Variants in ST3GAL3 observed in about 807,000 individuals in gnomAD.
ST3GAL3 encodes ST3 beta-galactoside alpha-2,3-sialyltransferase 3.
Under a neutral mutation model 50.1 loss-of-function variants are expected in ST3GAL3, and 21 were observed. The ratio of observed to expected loss-of-function variants is 0.42; its 90% confidence interval spans 0.30 to 0.60. ST3GAL3 has a LOEUF of 0.60. Ranked by LOEUF, ST3GAL3 falls within the 20% of genes least tolerant of loss-of-function variation. The probability of loss-of-function intolerance (pLI) is 0.19; values close to 1 mark genes in which losing one functional copy is unlikely to be tolerated. For synonymous variants in ST3GAL3, 183 were observed against 190.0 expected (o/e 0.96, Z 0.30); for missense variants, 353 against 489.4 (o/e 0.72, Z 2.63).
chr1:43,853,647 C>G (rs1569604652), intron 5 of ST3GAL3, among the ~76,000 whole-genome samples: 1 of 152,158 alleles, frequency 6.6e-6, no homozygotes, highest in Admixed American at 6.5e-5. Flanking sequence ...GTTCTCTTAC[C>G]CAGCTCTACA....
intron 5 of ST3GAL3, chr1:43,879,429 CAA>C: frequency 2.2e-6 from 1 of 456,218 alleles, no homozygotes; most frequent in Non-Finnish European, 4.4e-6. Context: ...GAGAGAAAGA[CAA>C]GAGCAGAAGC....
chr1:43,829,669 A>G (rs1030897470), intron 4 of ST3GAL3, among the ~76,000 whole-genome samples: 1 of 152,194 alleles, frequency 6.6e-6, no homozygotes, highest in African/African-American at 2.4e-5. Context: ...CACATATTGT[A>G]TCCTCGGCTG....
chr1:43,764,630 G>C (rs887412398), intron 2 of ST3GAL3, among the ~76,000 whole-genome samples: 2 of 152,238 alleles, frequency 1.3e-5, no homozygotes, highest in African/African-American at 2.4e-5. Flanking sequence ...TTCAGTCTCA[G>C]TAAAAGGCCT....
At chr1:43,832,985 G>A (rs557910884) in intron 4 of ST3GAL3, among the ~76,000 whole-genome samples, 1 of 152,342 alleles carries the variant, frequency 6.6e-6, no homozygotes, top group Non-Finnish European at 1.5e-5. Flanking sequence ...TTGTTAGGCA[G>A]TGTGCTAAGT....
intron 4 of ST3GAL3, chr1:43,824,857 C>T (rs946467401): frequency 1.3e-5 from 13 of 1,010,846 alleles, no homozygotes; most frequent in East Asian, 2.4e-5. Context: ...TGAGCGAGGA[C>T]ACAGCCTTTG....
chr1:43,709,772 G>A (rs1478860298), intron 1 of ST3GAL3, among the ~76,000 whole-genome samples: 3 of 152,008 alleles, frequency 2.0e-5, no homozygotes, highest in African/African-American at 4.8e-5. Context: ...GCTTGAACCC[G>A]GGAGGTGGAG....
intron 5 of ST3GAL3, chr1:43,851,238 C>G (rs1574237720): frequency 6.4e-7 from 1 of 1,571,854 alleles, no homozygotes; most frequent in East Asian, 2.2e-5. Context: ...GGCATAGATT[C>G]AAAGAAGATG....
intron 5 of ST3GAL3, among the ~76,000 whole-genome samples, chr1:43,872,414 C>T (rs558207458): frequency 2.6e-5 from 4 of 151,368 alleles, no homozygotes; most frequent in Admixed American, 1.3e-4. Context: ...TGGTGAGGCA[C>T]CTGCTGCTCT....
chr1:43,721,408 A>G (rs216082), intron 1 of ST3GAL3, among the ~76,000 whole-genome samples: 149,212 of 151,006 alleles, frequency 0.99, 73,720 homozygotes, highest in East Asian at 1. Flanking sequence ...AGGTTCAAGC[A>G]ATTCTCCTGC....
intron 2 of ST3GAL3, among the ~76,000 whole-genome samples, chr1:43,759,400 C>T (rs577131787): frequency 9.9e-5 from 15 of 152,192 alleles, no homozygotes; most frequent in South Asian, 4.2e-4. Context: ...GCTGAGATCA[C>T]GCCACTGCAT....
chr1:43,875,193 G>A (rs923527595), intron 5 of ST3GAL3, among the ~76,000 whole-genome samples: 1 of 152,168 alleles, frequency 6.6e-6, no homozygotes, highest in Admixed American at 6.5e-5. Flanking sequence ...TGAAAAGACG[G>A]TCAAACCAAT....
rs2077871163 is a variant in ST3GAL3 at position 43,899,286 on chromosome 1, TCGGGTGAGTGTCGTGG to T, written c.557+25_557+40del. On this transcript the variant is annotated intron_variant, in intron 8 of 11. Transcript: ENST00000347631. The surrounding 1 kb of genome is among the most constrained non-coding windows in gnomAD (Gnocchi z 5.4). ...GAGGTGAGCTCCCCAAAATGGCACC[TCGGGTGAGTGTCGTGG>T]CCCCAACCCTTAGTCCTGAGCCCAT... The T allele has an allele frequency of 1.2e-6, 2 of 1,614,018 alleles. No individual in the cohort carries two copies. The highest frequency in any genetic ancestry group is 2.2e-5 in the East Asian group (1 of 44,890).
rs1470594482 is a variant in ST3GAL3 at position 43,859,269 on chromosome 1, G to A, written c.302+20958G>A. ...GGGATAGACCCATCCTCTCTCCCTCGGTTTCAAGGGCTTAGTATGCGGAAG... is the reference window on the plus strand; with the variant it reads ...GGGATAGACCCATCCTCTCTCCCTCAGTTTCAAGGGCTTAGTATGCGGAAG... On this transcript the variant is annotated intron_variant, in intron 5 of 11. Coordinates refer to ENST00000347631, the MANE Select transcript of ST3GAL3 (RefSeq NM_006279.5). Among the ~76,000 whole-genome samples, 5 of 152,132 alleles carry A rather than the reference G, an allele frequency of 3.3e-5. 1 individual carries two copies. The highest frequency in any genetic ancestry group is 7.4e-5 in the Non-Finnish European group (5 of 68,016).
intron 2 of ST3GAL3, among the ~76,000 whole-genome samples, chr1:43,761,039 T>C (rs914496141): frequency 6.6e-6 from 1 of 152,104 alleles, no homozygotes; most frequent in Non-Finnish European, 1.5e-5. Context: ...AGAAAGTAGA[T>C]TAGTGGTTGG....
At chr1:43,720,290 C>T (rs548491667) in intron 1 of ST3GAL3, among the ~76,000 whole-genome samples, 2 of 152,154 alleles carry the variant, frequency 1.3e-5, no homozygotes, top group Non-Finnish European at 2.9e-5. Flanking sequence ...TGCTCATTCA[C>T]TGCTGTTGGG....
chr1:43,765,802 T>C (rs1259699178), intron 2 of ST3GAL3, among the ~76,000 whole-genome samples: 30 of 138,014 alleles, frequency 2.2e-4, no homozygotes, highest in African/African-American at 9.2e-4. Context: ...CGCGCGCGCG[T>C]CCGCGCGTCC....
chr1:43,807,656 A>G (rs1482432585), intron 3 of ST3GAL3, among the ~76,000 whole-genome samples: 1 of 152,208 alleles, frequency 6.6e-6, no homozygotes, highest in Admixed American at 6.5e-5. Context: ...ACAGGAGGCT[A>G]GTACAGCAAT....
At chr1:43,761,322 T>A (rs999593238) in intron 2 of ST3GAL3, among the ~76,000 whole-genome samples, 1 of 151,922 alleles carries the variant, frequency 6.6e-6, no homozygotes, top group East Asian at 1.9e-4. Context: ...TTTTTTTTTT[T>A]AGATAATTGT....
chr1:43,791,927 G>A (rs568487757), intron 2 of ST3GAL3, among the ~76,000 whole-genome samples, 175 bp from the exon 3 acceptor site: 41 of 152,338 alleles, frequency 2.7e-4, no homozygotes, highest in Admixed American at 1.0e-3. Flanking sequence ...TACTGGGCTG[G>A]GCAGGGTCTC....
Sources: allele counts gnomAD v4.1 joint callset (sites outside exome capture counted in the v4.1 genomes callset), GRCh38; gene constraint gnomAD v4.1.1; non-coding constraint Gnocchi (gnomAD v3.1); transcripts MANE v1.5; gene names NCBI Gene and HGNC (gene_info 2026-07-23, HGNC 2026-07-21).